The following TRAPPC9 variants were observed in gnomAD, a reference collection of about 807,000 sequenced individuals.
TRAPPC9 encodes IKK2 binding protein.
A neutral mutation model predicts 124.0 loss-of-function variants in TRAPPC9; 83 were observed. The ratio of observed to expected loss-of-function variants is 0.67; its 90% CI spans 0.56 to 0.80. The LOEUF (loss-of-function observed/expected upper bound fraction) is 0.80, where lower values mean the gene tolerates loss of function less well. Ranked by LOEUF, TRAPPC9 falls within the 30% of genes least tolerant of loss-of-function variation. The pLI, the probability that TRAPPC9 is intolerant of heterozygous loss-of-function variation, is 0.00. For missense variants in TRAPPC9, 1,302 were observed against 1,508.3 expected (o/e 0.86, Z 2.27); for synonymous variants, 638 against 617.5 (o/e 1.03, Z -0.49).
At position 140,252,944 on chromosome 8, in the gene TRAPPC9, A is replaced by G. The variant is rs765795963; in HGVS notation, c.2279-15T>C. 1.9e-6 allele frequency: 3 copies of G among 1,613,192 alleles called. No homozygotes were observed. The highest frequency in any genetic ancestry group is 1.7e-5 in the Admixed American group (1 of 60,020). On this transcript the variant is annotated splice_polypyrimidine_tract_variant and intron_variant, in intron 15 of 22. Transcript: ENST00000438773. This position sits in a 1 kb window ranked among gnomAD's most constrained non-coding sequence, Gnocchi z 4.2. ...ATACAATTTTTCTGTAATAATAACA[A>G]TGACAGTGATGAGGATGCTGTAACT... is the stretch of plus-strand genomic sequence containing the variant.
In TRAPPC9 at chr8:139,948,028, C is replaced by A. The variant is rs76776495; in HGVS notation, c.2811-37728G>T. ...CTTGTCCACGTTCTGTCCACTGGCA[C>A]TTGCATGGCCGTGGGAACATTACTG... On this transcript the variant is annotated intron_variant, in intron 19 of 22. Transcript: ENST00000438773. 1.9e-3 allele frequency among the ~76,000 whole-genome samples: 282 copies of A among 151,068 alleles called. 8 individuals are homozygous for A. In the East Asian group the frequency reaches 0.05, roughly 27 times the overall value.
chr8:140,329,803 A>G (rs1043934779), intron 9 of TRAPPC9, among the ~76,000 whole-genome samples: 4 of 152,176 alleles, frequency 2.6e-5, no homozygotes, highest in African/African-American at 7.2e-5. Flanking sequence ...AATACCGGCC[A>G]GGCATGGTGG....
chr8:139,989,663 G>C (rs1837496396), intron 18 of TRAPPC9, among the ~76,000 whole-genome samples: 1 of 152,186 alleles, frequency 6.6e-6, no homozygotes, highest in Non-Finnish European at 1.5e-5. Flanking sequence ...AAAACCACAG[G>C]CTGTGGATGA....
chr8:140,124,336 C>T (rs139221681), intron 17 of TRAPPC9, among the ~76,000 whole-genome samples: 1,839 of 152,288 alleles, frequency 0.012, 27 homozygotes, highest in African/African-American at 0.041. Context: ...ATTGCCCCAG[C>T]CTCTGGCTTC....
chr8:140,194,659 A>C (rs558048340), intron 17 of TRAPPC9, among the ~76,000 whole-genome samples: 1 of 152,264 alleles, frequency 6.6e-6, no homozygotes, highest in East Asian at 1.9e-4. Context: ...GTCCCAAAGG[A>C]ACCTCAATAC....
At chr8:140,110,104 G>A (rs930078185) in intron 17 of TRAPPC9, among the ~76,000 whole-genome samples, 4 of 151,800 alleles carry the variant, frequency 2.6e-5, no homozygotes, top group East Asian at 1.9e-4. Flanking sequence ...GAGTAGGGCC[G>A]CAGTGGTTGC....
chr8:140,046,399 A>G (rs1197680939), intron 17 of TRAPPC9, among the ~76,000 whole-genome samples: 1 of 152,270 alleles, frequency 6.6e-6, no homozygotes, highest in East Asian at 1.9e-4. Flanking sequence ...CAGGGCGGGC[A>G]GGCCAAGGGG....
rs1175458298 is a variant in TRAPPC9, at chr8:140,063,117, AC to A, written c.2557-39039del. Among the ~76,000 whole-genome samples the A allele has an allele frequency of 3.9e-5, 6 of 152,026 alleles. No homozygotes were observed. Among genetic ancestry groups the A allele is most frequent in the African/African-American group, 1.4e-4 (6 of 41,384 alleles). ...TACAAACCCATCAGATCCTATGAGA[AC>A]CCACCCACTATCATGAGAACGGTGT... On this transcript the variant is annotated intron_variant, in intron 17 of 22. Transcript: ENST00000438773. The surrounding 1 kb of genome is among the most constrained non-coding windows in gnomAD (Gnocchi z 4.3).
chr8:140,350,857 G>A (rs1269229498), intron 9 of TRAPPC9, among the ~76,000 whole-genome samples: 1 of 152,054 alleles, frequency 6.6e-6, no homozygotes, highest in African/African-American at 2.4e-5. Context: ...CTGAGTCCTG[G>A]GTTTTATTAC....
intron 9 of TRAPPC9, among the ~76,000 whole-genome samples, chr8:140,325,985 A>T (rs1156537006): frequency 6.6e-6 from 1 of 152,186 alleles, no homozygotes; most frequent in African/African-American, 2.4e-5. Flanking sequence ...TAAAAACTGC[A>T]ATTTGTATAT....
At chr8:139,754,911 C>T (rs1185943767) in intron 21 of TRAPPC9, among the ~76,000 whole-genome samples, 2 of 152,228 alleles carry the variant, frequency 1.3e-5, no homozygotes, top group African/African-American at 2.4e-5. Context: ...ACGGGCAAAA[C>T]GTACTAGGAA....
intron 15 of TRAPPC9, among the ~76,000 whole-genome samples, chr8:140,270,262 C>T (rs114320654): frequency 4.1e-4 from 62 of 152,314 alleles, no homozygotes; most frequent in African/African-American, 1.4e-3. Context: ...CTGCACAGAG[C>T]AGGCGTGGAG....
At chr8:139,943,130 G>A (rs138476468) in intron 19 of TRAPPC9, among the ~76,000 whole-genome samples, 6 of 152,284 alleles carry the variant, frequency 3.9e-5, no homozygotes, top group East Asian at 1.9e-4. Flanking sequence ...GCAGTGGTAC[G>A]ATGTCAGCTC....
intron 7 of TRAPPC9, among the ~76,000 whole-genome samples, chr8:140,381,517 A>C (rs1170864126): frequency 6.6e-6 from 1 of 151,702 alleles, no homozygotes; most frequent in East Asian, 2.0e-4. Flanking sequence ...AGTGCAAAAA[A>C]ATTAGCTGGG....
chr8:140,369,014 T>C (rs1334616934), intron 8 of TRAPPC9, among the ~76,000 whole-genome samples: 1 of 152,172 alleles, frequency 6.6e-6, no homozygotes, highest in Non-Finnish European at 1.5e-5. Context: ...GTGCGTGCCG[T>C]CCATGGCTGC....
chr8:139,992,344 G>A (rs996120424), intron 18 of TRAPPC9, among the ~76,000 whole-genome samples: 2 of 152,062 alleles, frequency 1.3e-5, no homozygotes, highest in Non-Finnish European at 2.9e-5. Flanking sequence ...TTTGTTTTTA[G>A]ATTTTGGAAT....
chr8:140,091,003 G>A (rs931571816), intron 17 of TRAPPC9, among the ~76,000 whole-genome samples: 3 of 152,224 alleles, frequency 2.0e-5, no homozygotes, highest in African/African-American at 7.2e-5. Context: ...AAAAGGCTGA[G>A]GATCAGCCTC....
At chr8:140,047,936 G>A (rs530953530) in intron 17 of TRAPPC9, among the ~76,000 whole-genome samples, 117 of 152,298 alleles carry the variant, frequency 7.7e-4, no homozygotes, top group African/African-American at 2.5e-3. Flanking sequence ...CAAGCTGCCA[G>A]CAAGGCAGGG....
chr8:140,455,608 T>C (rs1438382736), intron 1 of TRAPPC9, among the ~76,000 whole-genome samples: 1 of 151,482 alleles, frequency 6.6e-6, no homozygotes, highest in Non-Finnish European at 1.5e-5. Context: ...TTTTTGTATT[T>C]TTAGTAGAGA....
Sources: gnomAD v4.1 joint callset for allele counts (sites outside exome capture counted in the v4.1 genomes callset) on GRCh38, gnomAD v4.1.1 for gene constraint, Gnocchi (gnomAD v3.1) non-coding constraint, MANE v1.5 for transcripts, NCBI Gene and HGNC (gene_info 2026-07-23, HGNC 2026-07-21) for gene names.